The following ASTN2 variants were observed in gnomAD, a reference collection of about 807,000 sequenced individuals.
ASTN2 encodes astrotactin-2.
A neutral mutation model predicts 139.8 loss-of-function variants in ASTN2; 54 were observed. The ratio of observed to expected loss-of-function variants is 0.39; its 90% confidence interval spans 0.31 to 0.48. The LOEUF (loss-of-function observed/expected upper bound fraction) is 0.48, where lower values mean the gene tolerates loss of function less well. ASTN2 is among the 20% of genes least tolerant of loss of function. The probability of loss-of-function intolerance (pLI) is 0.95; values close to 1 mark genes in which losing one functional copy is unlikely to be tolerated. For synonymous variants in ASTN2, 756 were observed against 719.5 expected (o/e 1.05, Z -0.81); for missense variants, 1,565 against 1,725.1 (o/e 0.91, Z 1.64).
intron 12 of ASTN2, among the ~76,000 whole-genome samples, chr9:116,806,313 C>T (rs1045953842): frequency 1.3e-5 from 2 of 152,196 alleles, no homozygotes; most frequent in Non-Finnish European, 2.9e-5. Flanking sequence ...TTTTAGCAGC[C>T]TCCGTTGGTC....
chr9:116,835,145 C>G (rs903420441), intron 11 of ASTN2, among the ~76,000 whole-genome samples: 3 of 152,130 alleles, frequency 2.0e-5, no homozygotes, highest in African/African-American at 7.2e-5. Flanking sequence ...AACTCCAGGT[C>G]TTAATTATAT....
intron 16 of ASTN2, among the ~76,000 whole-genome samples, chr9:116,724,260 T>G (rs1828554270): frequency 6.6e-6 from 1 of 152,220 alleles, no homozygotes; most frequent in Non-Finnish European, 1.5e-5. Flanking sequence ...ACAATGAGAC[T>G]TCTATTGATT....
chr9:117,063,369 T>C (rs1839349775), intron 5 of ASTN2, among the ~76,000 whole-genome samples: 1 of 152,304 alleles, frequency 6.6e-6, no homozygotes, highest in East Asian at 1.9e-4. Flanking sequence ...TGGGAGATAA[T>C]TGAATCACGG....
At chr9:116,615,057 G>T (rs1285260563) in intron 19 of ASTN2, among the ~76,000 whole-genome samples, 3 of 152,090 alleles carry the variant, frequency 2.0e-5, no homozygotes, top group African/African-American at 7.2e-5. Flanking sequence ...ATCAAAAAGT[G>T]GGCAAAGGAT....
chr9:117,352,169 C>T (rs1829412200), intron 1 of ASTN2, among the ~76,000 whole-genome samples: 1 of 152,086 alleles, frequency 6.6e-6, no homozygotes, highest in Admixed American at 6.6e-5. Context: ...AGGTCAGACC[C>T]CAGAAAACAA....
intron 5 of ASTN2, among the ~76,000 whole-genome samples, chr9:117,044,529 A>G (rs541946325): frequency 6.6e-6 from 1 of 152,308 alleles, no homozygotes; most frequent in African/African-American, 2.4e-5. Context: ...GGAGGTGAGC[A>G]TAGCATTTAG....
intron 5 of ASTN2, among the ~76,000 whole-genome samples, chr9:117,077,333 T>TAGG: frequency 1.3e-5 from 2 of 152,338 alleles, no homozygotes; most frequent in South Asian, 4.1e-4. Flanking sequence ...TTCCATATTT[T>TAGG]AGGGTTCTTA....
chr9:117,158,485 G>T (rs376951070), intron 3 of ASTN2, among the ~76,000 whole-genome samples: 1 of 151,934 alleles, frequency 6.6e-6, no homozygotes, highest in Non-Finnish European at 1.5e-5. Context: ...AATTACAGAC[G>T]GATGACTTGT....
chr9:117,117,253 T>G (rs979007851), intron 4 of ASTN2, among the ~76,000 whole-genome samples: 2 of 151,940 alleles, frequency 1.3e-5, no homozygotes, highest in African/African-American at 4.8e-5. Flanking sequence ...CTTAACTAGC[T>G]CAGATCCAAG....
chr9:116,505,200 T>C (rs1352309586), intron 19 of ASTN2, among the ~76,000 whole-genome samples: 1 of 151,762 alleles, frequency 6.6e-6, no homozygotes, highest in Admixed American at 6.6e-5. Flanking sequence ...TCATCTCGTG[T>C]GCTTTTAGTA....
intron 5 of ASTN2, among the ~76,000 whole-genome samples, chr9:117,081,514 G>A (rs1190144693): frequency 6.6e-6 from 1 of 152,188 alleles, no homozygotes; most frequent in Non-Finnish European, 1.5e-5. Flanking sequence ...TAATGTGGGT[G>A]CCACTGTGAC....
At chr9:116,814,920 G>A (rs1391685039) in intron 12 of ASTN2, among the ~76,000 whole-genome samples, 1 of 152,156 alleles carries the variant, frequency 6.6e-6, no homozygotes, top group East Asian at 1.9e-4. Context: ...TTACACCTGA[G>A]CTTTTACAAA....
At chr9:116,481,736 G>C (rs1165493506) in intron 20 of ASTN2, among the ~76,000 whole-genome samples, 1 of 152,150 alleles carries the variant, frequency 6.6e-6, no homozygotes, top group Non-Finnish European at 1.5e-5. Flanking sequence ...AGAAGGATGA[G>C]GTGTGAAGTA....
intron 1 of ASTN2, among the ~76,000 whole-genome samples, chr9:117,316,196 T>C (rs1188498895): frequency 6.6e-6 from 1 of 152,196 alleles, no homozygotes; most frequent in Non-Finnish European, 1.5e-5. Flanking sequence ...TATGGGCTTC[T>C]GGAATCAGGC....
At chr9:116,608,404 T>C (rs948477682) in intron 19 of ASTN2, among the ~76,000 whole-genome samples, 11 of 152,158 alleles carry the variant, frequency 7.2e-5, no homozygotes, top group African/African-American at 2.4e-4. Context: ...TCAAAACTTA[T>C]GGGCAACTTG....
At chr9:116,764,333 C>T (rs754408166) in intron 13 of ASTN2, among the ~76,000 whole-genome samples, 5 of 152,178 alleles carry the variant, frequency 3.3e-5, no homozygotes, top group Non-Finnish European at 7.3e-5. Context: ...ATCTAAATGT[C>T]TTAGCCCAGT....
intron 5 of ASTN2, among the ~76,000 whole-genome samples, chr9:117,092,166 C>A (rs1160549221): frequency 6.6e-6 from 1 of 152,214 alleles, no homozygotes; most frequent in Non-Finnish European, 1.5e-5. Flanking sequence ...AACTTCCCAG[C>A]CTCAACTCTT....
At chr9:116,803,481 AAT>A (rs1168011369) in intron 13 of ASTN2, among the ~76,000 whole-genome samples, 76 of 80,110 alleles carry the variant, frequency 9.5e-4, no homozygotes, top group South Asian at 2.1e-3. Flanking sequence ...AAGTTCGAAT[AAT>A]ATATATATAT....
intron 4 of ASTN2, among the ~76,000 whole-genome samples, chr9:117,099,796 T>C (rs747424017): frequency 1.3e-5 from 2 of 152,166 alleles, no homozygotes; most frequent in African/African-American, 4.8e-5. Flanking sequence ...TAATAAAATA[T>C]GAACAAATAC....
Sources: gnomAD v4.1 joint callset for allele counts (sites outside exome capture counted in the v4.1 genomes callset) on GRCh38, gnomAD v4.1.1 for gene constraint, MANE v1.5 for transcripts, NCBI Gene and HGNC (gene_info 2026-07-23, HGNC 2026-07-21) for gene names.